TBC1D2B: variants seen among roughly 807,000 people sequenced by gnomAD.
The protein encoded by TBC1D2B is TBC1 domain family, member 2B.
In TBC1D2B, 64 loss-of-function variants were observed where a neutral mutation model predicts 100.8. The observed-to-expected ratio is 0.64, with a 90% CI of 0.52 to 0.78. The LOEUF is 0.78. Among genes scored for constraint, TBC1D2B ranks in the 30% least tolerant of loss-of-function variants. The pLI, the probability that TBC1D2B is intolerant of heterozygous loss-of-function variation, is 0.00. For missense variants in TBC1D2B, 1,052 were observed against 1,218.4 expected (o/e 0.86, Z 2.03); for synonymous variants, 480 against 479.7 (o/e 1.00, Z -0.01).
At chr15:78,021,520 G>A (rs1315453507) in intron 6 of TBC1D2B, among the ~76,000 whole-genome samples, 1 of 152,148 alleles carries the variant, frequency 6.6e-6, no homozygotes, top group Non-Finnish European at 1.5e-5. Flanking sequence ...CTGCAGAGGA[G>A]ACCTGCATGA....
Position 78,054,191 on chromosome 15 carries a change from G to T in TBC1D2B, c.361-4C>A. ...TCATGAGTTGACGATTGGGAGCCTA[G>T]AAAGAGGGAGGGGAAAAACATGTTA... On this transcript the variant is annotated splice_region_variant and splice_polypyrimidine_tract_variant and intron_variant, in intron 1 of 12. Coordinates refer to ENST00000300584, the MANE Select transcript of TBC1D2B (RefSeq NM_144572.2). 1 of 1,608,522 alleles carries T rather than the reference G, an allele frequency of 6.2e-7. No individual in the cohort carries two copies. Among genetic ancestry groups the T allele is most frequent in the Non-Finnish European group, 8.5e-7 (1 of 1,178,160 alleles).
At chr15:78,020,537 G>A (rs977876671) in intron 6 of TBC1D2B, among the ~76,000 whole-genome samples, 1 of 152,184 alleles carries the variant, frequency 6.6e-6, no homozygotes, top group African/African-American at 2.4e-5. Context: ...TACCTATGAG[G>A]AAAATAAGCA....
intron 2 of TBC1D2B, among the ~76,000 whole-genome samples, chr15:78,050,531 T>C (rs2073292235): frequency 6.6e-6 from 1 of 152,250 alleles, no homozygotes; most frequent in Non-Finnish European, 1.5e-5. Flanking sequence ...TAGCCATTTA[T>C]GGGCACCTCC....
At chr15:78,060,676 G>C (rs1338097463) in intron 1 of TBC1D2B, among the ~76,000 whole-genome samples, 1 of 151,954 alleles carries the variant, frequency 6.6e-6, no homozygotes, top group Admixed American at 6.5e-5. Context: ...CAGCACTTTG[G>C]GAGGCCGAGA....
At chr15:78,036,516 A>C (rs920748050) in intron 3 of TBC1D2B, among the ~76,000 whole-genome samples, 4 of 152,234 alleles carry the variant, frequency 2.6e-5, no homozygotes, top group Admixed American at 6.5e-5. Context: ...ACTACAGAAG[A>C]GGAGACAGCA....
chr15:78,053,859 C>A, intron 2 of TBC1D2B, 175 bp downstream of exon 2: 1 of 689,554 alleles, frequency 1.5e-6, no homozygotes. Context: ...TGTCACTGGG[C>A]TTGCATAAGC....
intron 3 of TBC1D2B, among the ~76,000 whole-genome samples, chr15:78,036,139 G>C (rs760002241): frequency 2.6e-5 from 4 of 152,244 alleles, no homozygotes; most frequent in Non-Finnish European, 4.4e-5. Flanking sequence ...GCGAAGTTCA[G>C]GGTGCAGACA....
intron 8 of TBC1D2B, among the ~76,000 whole-genome samples, chr15:78,015,545 A>G (rs1351892524): frequency 1.3e-5 from 2 of 152,224 alleles, no homozygotes; most frequent in Non-Finnish European, 2.9e-5. Context: ...GTTAACAGCC[A>G]CCACGATGAG....
chr15:78,013,055 T>C lies in TBC1D2B; in HGVS notation c.2038A>G (p.Thr680Ala), dbSNP rs776408611. ...TCAGTGTTGTCCTTGAACTTCCTGGTGTGACGGTCCACACACCACTTCCAC... is the reference window on the plus strand; with the variant it reads ...TCAGTGTTGTCCTTGAACTTCCTGGCGTGACGGTCCACACACCACTTCCAC... ...KVWKWCVDRH[T>A]RKFKDNTEPG... Residue 680 changes from threonine (T) to alanine (A), a missense_variant, in exon 9 of 13, where the codon ACC (threonine) becomes GCC (alanine). Physicochemically the swap from Thr to Ala is moderately conservative, Grantham distance 58. This residue lies in a region of TBC1D2B where 373 missense variants were observed against 464.9 expected (regional missense o/e 0.80). Transcript: ENST00000300584. 3.7e-6 allele frequency: 6 copies of C among 1,613,924 alleles called. No individual in the cohort carries two copies. Among genetic ancestry groups the C allele is most frequent in the Middle Eastern group, 1.6e-4 (1 of 6,084 alleles).
intron 6 of TBC1D2B, among the ~76,000 whole-genome samples, chr15:78,020,744 T>A (rs1017122866): frequency 2.0e-5 from 3 of 152,194 alleles, no homozygotes; most frequent in Non-Finnish European, 4.4e-5. Flanking sequence ...CTTTTCTGTT[T>A]GTGCCTCTAA....
At chr15:78,028,079 T>C (rs2072717664) in intron 4 of TBC1D2B, among the ~76,000 whole-genome samples, 1 of 152,204 alleles carries the variant, frequency 6.6e-6, no homozygotes, top group Non-Finnish European at 1.5e-5. Flanking sequence ...CTGCACCCTA[T>C]TCCTGCTGGC....
At chr15:78,053,644 A>G (rs1429228795) in intron 2 of TBC1D2B, 1 of 162,130 alleles carries the variant, frequency 6.2e-6, no homozygotes. Flanking sequence ...TGATCTGAGA[A>G]TACCTTCCTA....
At chr15:78,070,751 G>A (rs2073730649) in intron 1 of TBC1D2B, among the ~76,000 whole-genome samples, 1 of 152,196 alleles carries the variant, frequency 6.6e-6, no homozygotes, top group Non-Finnish European at 1.5e-5. Flanking sequence ...TCCACCTCCT[G>A]GGATCAAGCA....
intron 6 of TBC1D2B, among the ~76,000 whole-genome samples, chr15:78,022,856 T>C (rs2072549860): frequency 6.6e-6 from 1 of 152,190 alleles, no homozygotes; most frequent in Non-Finnish European, 1.5e-5. Flanking sequence ...GCCAACTTTT[T>C]TTTTTTTAAA....
chr15:78,076,469 G>A (rs554894416), intron 1 of TBC1D2B, among the ~76,000 whole-genome samples: 66 of 152,312 alleles, frequency 4.3e-4, no homozygotes, highest in African/African-American at 1.5e-3. Context: ...AGTGCTAAAT[G>A]CACTCTGGCT....
In TBC1D2B at chr15:78,077,506, G is replaced by A. The variant is rs1291889099; in HGVS notation, c.147C>T (p.Pro49=). 2.8e-5 allele frequency: 43 copies of A among 1,531,470 alleles called. No homozygotes were observed. Among genetic ancestry groups the A allele is most frequent in the Non-Finnish European group, 3.4e-5 (39 of 1,139,398 alleles). The allele number at this position is 1,531,470 out of a possible 1,614,324, so 94.9% of individuals were successfully genotyped here. Residue 49 remains proline, a synonymous_variant, in exon 1 of 13, where the codon CCC becomes CCT. Coordinates refer to ENST00000300584, the MANE Select transcript of TBC1D2B (RefSeq NM_144572.2). The part of the protein sequence containing the change: ...GYLQKLSGKG[P]LRGYRSRWFV... ...ACCAGCGGCTGCGGTAGCCACGCAG[G>A]GGGCCCTTGCCCGACAGCTTCTGCA...
At position 78,025,501 on chromosome 15, in the gene TBC1D2B, C is replaced by T. The variant is rs762237813; in HGVS notation, c.848-4G>A. On this transcript the variant is annotated splice_polypyrimidine_tract_variant and splice_region_variant and intron_variant, in intron 4 of 12. Transcript: ENST00000300584. ...GGGAATCCTGAGCCAGTTACTCCTA[C>T]ATAAAAATAAAACTTGTATTTTATT... 1.3e-6 allele frequency: 2 copies of T among 1,574,028 alleles called. No individual in the cohort carries two copies. The highest frequency in any genetic ancestry group is 1.7e-6 in the Non-Finnish European group (2 of 1,160,362).
At chr15:78,005,246 A>G (rs1406538563) in intron 10 of TBC1D2B, among the ~76,000 whole-genome samples, 1 of 152,094 alleles carries the variant, frequency 6.6e-6, no homozygotes, top group Non-Finnish European at 1.5e-5. Context: ...TCCCTCCTCC[A>G]CTGAGCTCTG....
chr15:78,039,250 C>A (rs2141749679), intron 3 of TBC1D2B, among the ~76,000 whole-genome samples: 1 of 152,334 alleles, frequency 6.6e-6, no homozygotes, highest in Non-Finnish European at 1.5e-5. Flanking sequence ...ATTCACCAAA[C>A]ATCCGGGTGC....
Sources: gnomAD v4.1 joint callset for allele counts (sites outside exome capture counted in the v4.1 genomes callset) on GRCh38, gnomAD v4.1.1 for gene constraint, gnomAD v4.1.1 regional missense constraint, MANE v1.5 for transcripts, NCBI Gene and HGNC (gene_info 2026-07-23, HGNC 2026-07-21) for gene names.